Variants in CPED1 observed in about 807,000 individuals in gnomAD.
CPED1 encodes cadherin like and PC-esterase domain containing 1, also known as cadherin-like and PC-esterase domain-containing protein 1.
Under a neutral mutation model 128.2 loss-of-function variants are expected in CPED1, and 114 were observed. That is an observed-to-expected ratio of 0.89 (90% CI 0.76 to 1.04). CPED1 has a LOEUF of 1.04. Among genes scored for constraint, CPED1 ranks in the 50% least tolerant of loss-of-function variants. CPED1 has a pLI of 0.00. For synonymous variants in CPED1, 462 were observed against 426.7 expected, an observed-to-expected ratio of 1.08 and a Z score of -1.02; for missense variants, 1,211 against 1,207.1, an observed-to-expected ratio of 1.00 and a Z score of -0.05.
Position 121,003,580 on chromosome 7 carries a change from A to G in CPED1, c.250-12085A>G, listed in dbSNP as rs114292327. 7.3e-3 allele frequency among the ~76,000 whole-genome samples: 1,106 copies of G among 152,340 alleles called. 21 individuals are homozygous for G. Among genetic ancestry groups the G allele is most frequent in the African/African-American group, 0.025 (1,047 of 41,584 alleles). ...TGGCCATCTGATACTTAAACATTCT[A>G]GAATGAATATGTAATTTGGAGATCT... On this transcript the variant is annotated intron_variant, in intron 2 of 22. Coordinates refer to ENST00000310396, the MANE Select transcript of CPED1 (RefSeq NM_024913.5).
intron 18 of CPED1, among the ~76,000 whole-genome samples, chr7:121,261,089 TG>T: frequency 6.6e-6 from 1 of 152,038 alleles, no homozygotes; most frequent in Non-Finnish European, 1.5e-5. Context: ...TGGTTACTTT[TG>T]GTGATGCTGG....
chr7:120,992,760 A>G (rs575514458), intron 2 of CPED1, among the ~76,000 whole-genome samples: 3 of 152,328 alleles, frequency 2.0e-5, no homozygotes, highest in East Asian at 1.9e-4. Context: ...TGAATAAGTA[A>G]TACATATTTC....
chr7:121,067,792 TA>T (rs1305452824), intron 5 of CPED1, among the ~76,000 whole-genome samples: 2 of 152,234 alleles, frequency 1.3e-5, no homozygotes, highest in African/African-American at 4.8e-5. Flanking sequence ...CCTGACTTTT[TA>T]ATGATGGCCA....
At chr7:121,288,556 C>T (rs984740868) in intron 22 of CPED1, among the ~76,000 whole-genome samples, 27 of 152,200 alleles carry the variant, frequency 1.8e-4, no homozygotes, top group Admixed American at 3.3e-4. Context: ...GGAAGCCGTA[C>T]GCTTCAGCAG....
chr7:121,102,259 G>T (rs1794868422), intron 7 of CPED1, among the ~76,000 whole-genome samples: 2 of 151,880 alleles, frequency 1.3e-5, no homozygotes, highest in South Asian at 4.2e-4. Flanking sequence ...GATATATATT[G>T]TTCAGTTTGT....
chr7:121,115,355 C>G (rs1170434211), intron 7 of CPED1, among the ~76,000 whole-genome samples: 1 of 152,126 alleles, frequency 6.6e-6, no homozygotes, highest in Non-Finnish European at 1.5e-5. Context: ...AGAGAGCTGT[C>G]ATAAATTTCC....
intron 2 of CPED1, among the ~76,000 whole-genome samples, chr7:120,996,908 C>T (rs1030394807): frequency 2.6e-5 from 4 of 152,198 alleles, no homozygotes; most frequent in African/African-American, 4.8e-5. Flanking sequence ...GGAGTTGTAA[C>T]GTTGAGCGCA....
intron 2 of CPED1, 150 bp downstream of exon 2, chr7:120,990,020 A>T: frequency 1.1e-6 from 1 of 885,410 alleles, no homozygotes; most frequent in Non-Finnish European, 1.7e-6. Flanking sequence ...TGACTGGGAA[A>T]CACGTTACAT....
At chr7:121,080,088 A>T (rs1156854720) in intron 5 of CPED1, among the ~76,000 whole-genome samples, 2 of 152,216 alleles carry the variant, frequency 1.3e-5, no homozygotes, top group African/African-American at 4.8e-5. Flanking sequence ...CAGCTGGCTA[A>T]CACATGAACT....
At chr7:121,051,554 C>T (rs1793355390) in intron 4 of CPED1, 1 of 403,256 alleles carries the variant, frequency 2.5e-6, no homozygotes, top group Admixed American at 3.6e-5. Flanking sequence ...AATATGAAGT[C>T]AGTCCTGCAT....
chr7:121,060,794 C>T (rs1202893803), intron 4 of CPED1, among the ~76,000 whole-genome samples: 1 of 152,198 alleles, frequency 6.6e-6, no homozygotes, highest in African/African-American at 2.4e-5. Flanking sequence ...CGCTCCGGTC[C>T]CTTTTCACGT....
At chr7:121,156,007 AAAAT>A (rs1370577514) in intron 16 of CPED1, among the ~76,000 whole-genome samples, 1 of 152,242 alleles carries the variant, frequency 6.6e-6, no homozygotes, top group Non-Finnish European at 1.5e-5. Context: ...CAATAGCAAA[AAAAT>A]AAATCTGATT....
At chr7:121,062,180 T>C (rs1006539513) in intron 4 of CPED1, among the ~76,000 whole-genome samples, 1 of 152,198 alleles carries the variant, frequency 6.6e-6, no homozygotes, top group Non-Finnish European at 1.5e-5. Flanking sequence ...AGTCAGTCCA[T>C]AACCTTTAAT....
At chr7:121,162,675 CT>C (rs1453329950) in intron 16 of CPED1, among the ~76,000 whole-genome samples, 1 of 152,180 alleles carries the variant, frequency 6.6e-6, no homozygotes, top group Non-Finnish European at 1.5e-5. Context: ...TGATTCAGTG[CT>C]TAAACAATGT....
rs772640240 is a variant in CPED1, at chr7:120,989,835, T to C, written c.214T>C (p.Phe72Leu). Residue 72 changes from phenylalanine (F) to leucine (L), a missense_variant, in exon 2 of 23, where the codon TTC becomes CTC. Physicochemically the swap from Phe to Leu is conservative, Grantham distance 22. Transcript: ENST00000310396. The part of the protein sequence containing the change: ...KKGFSQDKQC[F>L]LLSGNAQETR... The stretch of plus-strand genomic sequence containing the variant: ...AGGATTCTCTCAGGACAAACAGTGC[T>C]TCCTTCTCTCTGGTAATGCCCAGGA... 52 of 1,614,006 alleles carry C rather than the reference T, an allele frequency of 3.2e-5. No homozygotes were observed. The highest frequency in any genetic ancestry group is 4.2e-5 in the Non-Finnish European group (49 of 1,180,026).
chr7:121,251,579 C>G (rs946480026), intron 18 of CPED1, among the ~76,000 whole-genome samples: 2 of 152,182 alleles, frequency 1.3e-5, no homozygotes, highest in African/African-American at 4.8e-5. Flanking sequence ...ATTGTCTCAG[C>G]CCAAAATCTC....
Position 121,046,988 on chromosome 7 carries a change from C to G in CPED1, c.535C>G (p.Gln179Glu). 6.3e-7 allele frequency: 1 copy of G among 1,599,152 alleles called. No homozygotes were observed. The highest frequency in any genetic ancestry group is 8.6e-7 in the Non-Finnish European group (1 of 1,166,924). ...AGTCATGTGCCAGTTAGGTTTACAT[C>G]AAAAGGTAAATACTCTCAAGATGTG... is the stretch of plus-strand genomic sequence containing the variant. Reference protein sequence around the residue: ...KEVMCQLGLHQKANRLPEIQQ... With the variant: ...KEVMCQLGLHEKANRLPEIQQ... The change falls in exon 4 of 23, where the codon CAA becomes GAA. Residue 179 changes from glutamine to glutamate, a missense_variant. Transcript: ENST00000310396.
intron 4 of CPED1, among the ~76,000 whole-genome samples, chr7:121,053,229 G>T (rs553994889): frequency 2.0e-5 from 3 of 152,126 alleles, no homozygotes; most frequent in African/African-American, 7.2e-5. Flanking sequence ...AAAAATGTTT[G>T]CCCCTTTTCT....
At chr7:121,049,018 A>C (rs1315814039) in intron 4 of CPED1, among the ~76,000 whole-genome samples, 1 of 152,218 alleles carries the variant, frequency 6.6e-6, no homozygotes, top group Non-Finnish European at 1.5e-5. Flanking sequence ...AAAATATAAA[A>C]TGGTGAACTA....
Sources: allele counts gnomAD v4.1 joint callset (sites outside exome capture counted in the v4.1 genomes callset), GRCh38; gene constraint gnomAD v4.1.1; transcripts MANE v1.5; gene names NCBI Gene and HGNC (gene_info 2026-07-23, HGNC 2026-07-21).